DOK5: variants seen among roughly 807,000 people sequenced by gnomAD.
DOK5 encodes downstream of tyrosine kinase 5.
In DOK5, 27 loss-of-function variants were observed where a neutral mutation model predicts 43.3. The observed-to-expected ratio is 0.62, with a 90% CI of 0.46 to 0.86. The LOEUF is 0.86. Ranked by LOEUF, DOK5 falls within the 40% of genes least tolerant of loss-of-function variation. The pLI, the probability that DOK5 is intolerant of heterozygous loss-of-function variation, is 0.00. For missense variants in DOK5, 373 were observed against 392.9 expected (o/e 0.95, Z 0.43); for synonymous variants, 146 against 140.1 (o/e 1.04, Z -0.30).
At chr20:54,504,077 G>A (rs1420902847) in intron 1 of DOK5, among the ~76,000 whole-genome samples, 1 of 152,170 alleles carries the variant, frequency 6.6e-6, no homozygotes, top group East Asian at 1.9e-4. Context: ...ATGAGTGAGA[G>A]TAGTGTGCAC....
intron 5 of DOK5, among the ~76,000 whole-genome samples, chr20:54,608,653 T>A (rs891217428): frequency 3.4e-5 from 5 of 148,100 alleles, no homozygotes; most frequent in Non-Finnish European, 5.9e-5. Flanking sequence ...TTTTTCCCTC[T>A]ATTTCTTCTT....
intron 6 of DOK5, among the ~76,000 whole-genome samples, chr20:54,642,028 C>T (rs1425755964): frequency 6.6e-6 from 1 of 152,140 alleles, no homozygotes; most frequent in Non-Finnish European, 1.5e-5. Flanking sequence ...CATAATCAAC[C>T]TGCGTCATGA....
chr20:54,625,167 C>A (rs908498000), intron 6 of DOK5, among the ~76,000 whole-genome samples: 1 of 152,186 alleles, frequency 6.6e-6, no homozygotes, highest in African/African-American at 2.4e-5. Flanking sequence ...AAAGACAGCT[C>A]TTTGGGTGGT....
intron 1 of DOK5, among the ~76,000 whole-genome samples, chr20:54,550,534 C>G (rs1301771837): frequency 6.6e-6 from 1 of 152,200 alleles, no homozygotes; most frequent in East Asian, 1.9e-4. Flanking sequence ...CCTGGGCTCC[C>G]TCTCTCCTCC....
chr20:54,490,907 G>C (rs1450721730), intron 1 of DOK5, among the ~76,000 whole-genome samples: 1 of 152,008 alleles, frequency 6.6e-6, no homozygotes, highest in African/African-American at 2.4e-5. Flanking sequence ...TTCTCTCTAA[G>C]CTCTGGCTAT....
At chr20:54,567,837 C>T (rs995349000) in intron 2 of DOK5, among the ~76,000 whole-genome samples, 18 of 152,060 alleles carry the variant, frequency 1.2e-4, no homozygotes, top group Non-Finnish European at 2.5e-4. Context: ...TTGTTAGAGG[C>T]TTTTTAAAAT....
intron 6 of DOK5, among the ~76,000 whole-genome samples, chr20:54,632,116 G>T (rs1474395655): frequency 6.6e-6 from 1 of 152,224 alleles, no homozygotes; most frequent in Non-Finnish European, 1.5e-5. Context: ...CTCCCTGCAG[G>T]GGTCGTGGCT....
At position 54,503,810 on chromosome 20, in the gene DOK5, C is replaced by G. The variant is rs928669917; in HGVS notation, c.66+27798C>G. ...TGCTCCTAGTGCTGAAACCTGACAT[C>G]AGAAGTGAAGATGGACATAAAATGA... On this transcript the variant is annotated intron_variant, in intron 1 of 7. Transcript: ENST00000262593. 3.3e-5 allele frequency among the ~76,000 whole-genome samples: 5 copies of G among 152,240 alleles called. No individual in the cohort carries two copies. The South Asian group carries it at 1.0e-3, about 32-fold the overall frequency.
chr20:54,526,131 A>G (rs1035498563), intron 1 of DOK5, among the ~76,000 whole-genome samples: 1 of 143,224 alleles, frequency 7.0e-6, no homozygotes, highest in African/African-American at 2.9e-5. Flanking sequence ...AAAGTAAACC[A>G]AGATTTTTCT....
intron 1 of DOK5, among the ~76,000 whole-genome samples, chr20:54,510,914 T>C (rs775463291): frequency 6.6e-6 from 1 of 152,152 alleles, no homozygotes; most frequent in Non-Finnish European, 1.5e-5. Flanking sequence ...ATCAACACTG[T>C]CCGTGGTGCT....
intron 6 of DOK5, among the ~76,000 whole-genome samples, chr20:54,622,023 GTCT>G (rs1286411836): frequency 2.0e-5 from 3 of 151,758 alleles, no homozygotes; most frequent in Non-Finnish European, 4.4e-5. Context: ...CTGAAACCCC[GTCT>G]CTACTACACA....
At chr20:54,546,778 G>T (rs751426697) in intron 1 of DOK5, among the ~76,000 whole-genome samples, 11 of 152,350 alleles carry the variant, frequency 7.2e-5, no homozygotes, top group Non-Finnish European at 1.0e-4. Flanking sequence ...CCCAGTGCAA[G>T]AGATGGGGAT....
rs189160975 is a variant in DOK5 at position 54,575,509 on chromosome 20, C to A, written c.175-12974C>A. ...AGGCTGGAGTGCAGTGGTGCCATCTCAGCTCACTGCAACCTCCACTTCCCA... is the reference window on the plus strand; with the variant it reads ...AGGCTGGAGTGCAGTGGTGCCATCTAAGCTCACTGCAACCTCCACTTCCCA... On this transcript the variant is annotated intron_variant, in intron 2 of 7. Transcript: ENST00000262593. Among the ~76,000 whole-genome samples the A allele has an allele frequency of 4.2e-3, 634 of 152,300 alleles. 2 individuals carry two copies. Among genetic ancestry groups the A allele is most frequent in the African/African-American group, 0.015 (618 of 41,556 alleles).
At chr20:54,623,492 A>C (rs1987049015) in intron 6 of DOK5, among the ~76,000 whole-genome samples, 1 of 152,206 alleles carries the variant, frequency 6.6e-6, no homozygotes, top group Non-Finnish European at 1.5e-5. Context: ...TTGTTAGTTC[A>C]CATGAGCTAG....
rs144392434 is a variant in DOK5 at position 54,494,005 on chromosome 20, T to A, written c.66+17993T>A. On this transcript the variant is annotated intron_variant, in intron 1 of 7. Coordinates refer to ENST00000262593, the MANE Select transcript of DOK5 (RefSeq NM_018431.5). ...AATTCTATTGGACAGTGCTTCCCTATATTACTTCTTCATAATACTCATGGC... is the reference window on the plus strand; with the variant it reads ...AATTCTATTGGACAGTGCTTCCCTAAATTACTTCTTCATAATACTCATGGC... 4.8e-3 allele frequency among the ~76,000 whole-genome samples: 730 copies of A among 152,332 alleles called. 4 individuals are homozygous for A. Among genetic ancestry groups the A allele is most frequent in the African/African-American group, 0.017 (693 of 41,584 alleles).
intron 5 of DOK5, among the ~76,000 whole-genome samples, chr20:54,602,696 A>G (rs1206286996): frequency 4.6e-5 from 7 of 152,150 alleles, no homozygotes; most frequent in African/African-American, 1.7e-4. Flanking sequence ...TTTTTTTTAG[A>G]TGGAATCTCT....
At chr20:54,529,599 TA>T (rs1983696088) in intron 1 of DOK5, among the ~76,000 whole-genome samples, 1 of 152,216 alleles carries the variant, frequency 6.6e-6, no homozygotes, top group African/African-American at 2.4e-5. Flanking sequence ...TTCATCCTTT[TA>T]AAGTGTATAA....
At position 54,555,077 on chromosome 20, in the gene DOK5, T is replaced by G. The variant is rs530903027; in HGVS notation, c.174+37T>G. ...TTGCTGTAGCTTTCCAGTAATCTATTTACAGGGAGGCAACTGGAATTACTG... is the reference window on the plus strand; with the variant it reads ...TTGCTGTAGCTTTCCAGTAATCTATGTACAGGGAGGCAACTGGAATTACTG... On this transcript the variant is annotated intron_variant, in intron 2 of 7. Transcript: ENST00000262593. 1.3e-5 allele frequency: 18 copies of G among 1,411,468 alleles called. No homozygotes were observed. The East Asian group carries it at 3.2e-4, about 25-fold the overall frequency. The allele number at this position is 1,411,468 out of a possible 1,614,324, so 87.4% of individuals were successfully genotyped here. A position where few individuals can be genotyped will look rare whatever the true frequency, so the allele number is the denominator to read the frequency against.
chr20:54,607,493 A>T (rs758458341), intron 5 of DOK5, among the ~76,000 whole-genome samples: 2 of 151,842 alleles, frequency 1.3e-5, no homozygotes, highest in African/African-American at 2.4e-5. Context: ...AAGAATGTTT[A>T]GTCCTATAGT....
Sources: gnomAD v4.1 joint callset for allele counts (sites outside exome capture counted in the v4.1 genomes callset) on GRCh38, gnomAD v4.1.1 for gene constraint, MANE v1.5 for transcripts, NCBI Gene and HGNC (gene_info 2026-07-23, HGNC 2026-07-21) for gene names.